DCAF6: variants seen among roughly 807,000 people sequenced by gnomAD.
DCAF6 encodes DDB1- and CUL4-associated factor 6.
A neutral mutation model predicts 125.1 loss-of-function variants in DCAF6; 54 were observed. The ratio of observed to expected loss-of-function variants is 0.43; its 90% CI spans 0.35 to 0.54. The LOEUF (loss-of-function observed/expected upper bound fraction) is 0.54, where lower values mean the gene tolerates loss of function less well. DCAF6 is among the 20% of genes least tolerant of loss of function. The pLI is 0.01. For missense variants in DCAF6, 934 were observed against 1,161.7 expected, an observed-to-expected ratio of 0.80 and a Z score of 2.85; for synonymous variants, 371 against 390.4, an observed-to-expected ratio of 0.95 and a Z score of 0.58.
At chr1:167,901,740 T>C in the DCAF6 span, 7 of 1,614,216 alleles carry the variant, frequency 4.3e-6, no homozygotes, top group Non-Finnish European at 5.9e-6. Flanking sequence ...CTACATTTAA[T>C]TACCACTGTG....
At chr1:167,928,753 T>C in the DCAF6 span, among the ~76,000 whole-genome samples, 1 of 152,214 alleles carries the variant, frequency 6.6e-6, no homozygotes, top group East Asian at 1.9e-4. Context: ...GTGAAGTGAT[T>C]ATAATACCTT....
chr1:167,979,401 C>A (rs1678759469), intron 4 of DCAF6, among the ~76,000 whole-genome samples: 1 of 152,060 alleles, frequency 6.6e-6, no homozygotes, highest in Non-Finnish European at 1.5e-5. Flanking sequence ...TCCCTGGCAA[C>A]CATCATTCTA....
At chr1:167,962,450 C>G (rs545040252) in intron 2 of DCAF6, among the ~76,000 whole-genome samples, 60 of 152,112 alleles carry the variant, frequency 3.9e-4, no homozygotes, top group Admixed American at 2.1e-3. Context: ...TATGAAATAC[C>G]CTTCTTTTTC....
intron 12 of DCAF6, among the ~76,000 whole-genome samples, chr1:168,036,743 G>T (rs2101721766): frequency 6.6e-6 from 1 of 152,220 alleles, no homozygotes; most frequent in Admixed American, 6.5e-5. Flanking sequence ...AATGCCATTT[G>T]GTAAAATACC....
In DCAF6 at chr1:167,984,487, T is replaced by A. The variant is rs371887009; in HGVS notation, c.439-3008T>A. Among the ~76,000 whole-genome samples the A allele has an allele frequency of 7.7e-4, 118 of 152,348 alleles. 1 individual carries two copies. The South Asian group carries it at 0.023, about 29-fold the overall frequency. ...TTAAAAATAAATATCCTTGGAAATA[T>A]ATGCTTCCAATGATTTCATTTATAG... On this transcript the variant is annotated intron_variant, in intron 4 of 21. Coordinates refer to ENST00000367840, the MANE Select transcript of DCAF6 (RefSeq NM_001198956.2).
the DCAF6 span, among the ~76,000 whole-genome samples, chr1:167,919,701 C>T: frequency 6.6e-6 from 1 of 152,232 alleles, no homozygotes; most frequent in Middle Eastern, 3.4e-3. Context: ...AAATGATGCA[C>T]AGTTAAATCT....
At chr1:167,905,061 C>A in the DCAF6 span, 1 of 1,614,182 alleles carries the variant, frequency 6.2e-7, no homozygotes, top group Non-Finnish European at 8.5e-7. Context: ...GGAGAAATGT[C>A]CATAGACAAT....
the DCAF6 span, among the ~76,000 whole-genome samples, chr1:167,873,643 C>T: frequency 1.3e-5 from 2 of 152,062 alleles, no homozygotes; most frequent in Non-Finnish European, 2.9e-5. Flanking sequence ...TGTCTAATCT[C>T]GAGTTATCTT....
chr1:167,891,524 C>T, the DCAF6 span, among the ~76,000 whole-genome samples: 15 of 151,506 alleles, frequency 9.9e-5, no homozygotes, highest in African/African-American at 2.2e-4. Flanking sequence ...GGCGTGGTGG[C>T]GGGCGCCTGT....
chr1:168,023,196 T>C, intron 12 of DCAF6, 149 bp downstream of exon 12: 2 of 809,230 alleles, frequency 2.5e-6, no homozygotes, highest in South Asian at 3.1e-5. Flanking sequence ...TAGGTGGTAT[T>C]GTACATAAAA....
chr1:167,995,556 T>C (rs919065876), intron 7 of DCAF6, among the ~76,000 whole-genome samples: 3 of 151,774 alleles, frequency 2.0e-5, no homozygotes, highest in Admixed American at 2.0e-4. Flanking sequence ...GGCAGGCGCC[T>C]GTAATCCCAG....
chr1:167,902,522 T>G, the DCAF6 span, among the ~76,000 whole-genome samples: 4 of 152,224 alleles, frequency 2.6e-5, no homozygotes, highest in Non-Finnish European at 5.9e-5. Flanking sequence ...AACTTTGTAT[T>G]TTGTTTATTT....
Position 168,073,183 on chromosome 1 carries a change from A to G in DCAF6, c.2792-2188A>G, listed in dbSNP as rs375804277. 7.6e-4 allele frequency among the ~76,000 whole-genome samples: 116 copies of G among 152,336 alleles called. 1 individual carries two copies. In the South Asian group the frequency reaches 0.022, roughly 29 times the overall value. On this transcript the variant is annotated intron_variant, in intron 21 of 21. Transcript: ENST00000367840. The stretch of plus-strand genomic sequence containing the variant: ...AGAGCGAGACTCGGTCTCAAAAAAA[A>G]AAGAAGAAAAAGAAAAACAGTATAC...
chr1:167,892,008 C>CT, the DCAF6 span, among the ~76,000 whole-genome samples: 1 of 147,642 alleles, frequency 6.8e-6, no homozygotes, highest in African/African-American at 2.5e-5. Flanking sequence ...GGGTCTTGCT[C>CT]TGTCCCCAAG....
At chr1:167,918,200 C>T in the DCAF6 span, 1 of 681,296 alleles carries the variant, frequency 1.5e-6, no homozygotes, top group Non-Finnish European at 2.4e-6. Flanking sequence ...GAATCAAGAA[C>T]TAGCTACCAG....
rs148651781 is a variant in DCAF6 at position 167,957,276 on chromosome 1, T to TA, written c.159+5416dup. Among the ~76,000 whole-genome samples the TA allele has an allele frequency of 9.4e-3, 1,434 of 152,202 alleles. 23 individuals are homozygous for TA. Among genetic ancestry groups the TA allele is most frequent in the African/African-American group, 0.033 (1,379 of 41,546 alleles). On this transcript the variant is annotated intron_variant, in intron 2 of 21. Transcript: ENST00000367840. The stretch of plus-strand genomic sequence containing the variant: ...TATCAGTCACCATTTCCCCTCTATT[T>TA]AGCAGTTAGCAATCACTAATACTTT...
At chr1:167,946,611 G>C (rs1057432290) in intron 1 of DCAF6, among the ~76,000 whole-genome samples, 1 of 151,702 alleles carries the variant, frequency 6.6e-6, no homozygotes, top group African/African-American at 2.4e-5. Flanking sequence ...TTCTTTTTTC[G>C]CGTCTATTAA....
At chr1:167,972,775 T>C (rs1016405225) in intron 3 of DCAF6, among the ~76,000 whole-genome samples, 2 of 152,146 alleles carry the variant, frequency 1.3e-5, no homozygotes, top group East Asian at 1.9e-4. Flanking sequence ...TGGAGAACAC[T>C]GGAAGAGGGG....
intron 12 of DCAF6, among the ~76,000 whole-genome samples, chr1:168,034,674 A>G (rs570807723): frequency 7.9e-5 from 12 of 152,232 alleles, no homozygotes; most frequent in Non-Finnish European, 1.6e-4. Context: ...GTATATTCAT[A>G]GTAATGCTCA....
Sources: allele counts gnomAD v4.1 joint callset (sites outside exome capture counted in the v4.1 genomes callset), GRCh38; gene constraint gnomAD v4.1.1; transcripts MANE v1.5; gene names NCBI Gene and HGNC (gene_info 2026-07-23, HGNC 2026-07-21).